Variants in GABBR2 observed in about 807,000 individuals in gnomAD.
The protein encoded by GABBR2 is gamma-aminobutyric acid type B receptor subunit 2, also known as G-protein coupled receptor 51.
Under a neutral mutation model 105.6 loss-of-function variants are expected in GABBR2, and 23 were observed. That is an observed-to-expected ratio of 0.22 (90% confidence interval 0.16 to 0.31). GABBR2 has a LOEUF of 0.31. GABBR2 is among the 10% of genes least tolerant of loss of function. The pLI is 1.00. For missense variants in GABBR2, 734 were observed against 1,245.5 expected (o/e 0.59, Z 6.18); for synonymous variants, 478 against 499.7 (o/e 0.96, Z 0.58).
rs550125436 is a variant in GABBR2, at chr9:98,667,323, G to C, written c.321+41094C>G. On this transcript the variant is annotated intron_variant, in intron 1 of 18. Coordinates refer to ENST00000259455, the MANE Select transcript of GABBR2 (RefSeq NM_005458.8). ...GGGGTGAACTTACTAAACAGAGAAA[G>C]TGAATGCCAGCAGCAGGAGCACTGG... 1.2e-4 allele frequency among the ~76,000 whole-genome samples: 19 copies of C among 152,260 alleles called. 1 individual carries two copies. The South Asian group carries it at 3.9e-3, about 32-fold the overall frequency.
chr9:98,399,306 T>G (rs1832348015), intron 8 of GABBR2, among the ~76,000 whole-genome samples: 1 of 149,050 alleles, frequency 6.7e-6, no homozygotes, highest in Admixed American at 6.8e-5. Context: ...GGGCTGAGAT[T>G]GTGCCACTGT....
At position 98,559,902 on chromosome 9, in the gene GABBR2, T is replaced by TA. The variant is rs571874564; in HGVS notation, c.460-17860dup. Among the ~76,000 whole-genome samples the TA allele has an allele frequency of 7.7e-4, 110 of 143,258 alleles. 1 individual carries two copies. The highest frequency in any genetic ancestry group is 1.1e-3 in the African/African-American group (41 of 38,844). 94.0% of individuals were successfully genotyped at this position (143,258 alleles called of 152,430 possible). A position where few individuals can be genotyped will look rare whatever the true frequency, so the allele number is the denominator to read the frequency against. On this transcript the variant is annotated intron_variant, in intron 2 of 18. Transcript: ENST00000259455. ...TACAGTGAAATCTGGGAAAATTAAG[T>TA]AAAAAAAAAAGCAAGGTGCAGAAGA...
chr9:98,315,072 C>T (rs1458732048), intron 13 of GABBR2, among the ~76,000 whole-genome samples: 1 of 152,214 alleles, frequency 6.6e-6, no homozygotes, highest in East Asian at 1.9e-4. Flanking sequence ...GACATTCCAG[C>T]CTGGCTACCT....
intron 1 of GABBR2, among the ~76,000 whole-genome samples, chr9:98,669,824 T>C (rs1402008763): frequency 6.6e-6 from 1 of 152,030 alleles, no homozygotes; most frequent in Admixed American, 6.6e-5. Flanking sequence ...CAATGGGGCA[T>C]GTACATGCAG....
chr9:98,508,573 C>T (rs952868430), intron 3 of GABBR2, among the ~76,000 whole-genome samples: 4 of 152,338 alleles, frequency 2.6e-5, no homozygotes, highest in South Asian at 4.1e-4. Context: ...CCTAATACTG[C>T]GCTTTTCCAA....
chr9:98,377,552 A>G (rs963008243), intron 11 of GABBR2, among the ~76,000 whole-genome samples: 1 of 152,126 alleles, frequency 6.6e-6, no homozygotes, highest in South Asian at 2.1e-4. Flanking sequence ...TAGGTTTTCA[A>G]TCTACACTGC....
At chr9:98,435,856 T>C (rs1289473405) in intron 7 of GABBR2, among the ~76,000 whole-genome samples, 1 of 152,142 alleles carries the variant, frequency 6.6e-6, no homozygotes, top group African/African-American at 2.4e-5. Context: ...TCCACAACAC[T>C]TTAGAGTTTG....
At chr9:98,668,002 A>G (rs889425351) in intron 1 of GABBR2, among the ~76,000 whole-genome samples, 1 of 152,226 alleles carries the variant, frequency 6.6e-6, no homozygotes, top group African/African-American at 2.4e-5. Flanking sequence ...CCGATGCAGG[A>G]AAACAAAGGC....
At chr9:98,463,379 GT>G (rs1374320629) in intron 6 of GABBR2, among the ~76,000 whole-genome samples, 1 of 152,212 alleles carries the variant, frequency 6.6e-6, no homozygotes. Flanking sequence ...ATGTATGTAT[GT>G]GTGTATAAAC....
intron 3 of GABBR2, among the ~76,000 whole-genome samples, chr9:98,535,799 A>G (rs1217944894): frequency 1.3e-5 from 2 of 152,344 alleles, no homozygotes; most frequent in South Asian, 2.1e-4. Context: ...ATTCCGTATG[A>G]TTCCAACTAA....
At chr9:98,296,439 T>A (rs564639525) in intron 17 of GABBR2, among the ~76,000 whole-genome samples, 1 of 152,322 alleles carries the variant, frequency 6.6e-6, no homozygotes, top group Admixed American at 6.5e-5. Context: ...GACTAAGGCA[T>A]GGAGAACAAA....
chr9:98,309,058 TG>T (rs1218054233), intron 14 of GABBR2, among the ~76,000 whole-genome samples: 1 of 152,196 alleles, frequency 6.6e-6, no homozygotes, highest in Non-Finnish European at 1.5e-5. Context: ...TGAGATTCTG[TG>T]GCTCTAAAAT....
chr9:98,505,798 G>T (rs1221699633), intron 3 of GABBR2, among the ~76,000 whole-genome samples: 1 of 152,190 alleles, frequency 6.6e-6, no homozygotes, highest in Non-Finnish European at 1.5e-5. Flanking sequence ...TGCAGGCAAG[G>T]ATTCTCTCCT....
chr9:98,677,961 C>T (rs1039358782), intron 1 of GABBR2, among the ~76,000 whole-genome samples: 13 of 152,168 alleles, frequency 8.5e-5, no homozygotes, highest in African/African-American at 2.9e-4. Context: ...GCCATCACCA[C>T]TTAACATGTT....
At chr9:98,481,140 C>T (rs939151950) in intron 4 of GABBR2, 143 bp from the exon 5 acceptor site, 18 of 655,730 alleles carry the variant, frequency 2.7e-5, no homozygotes, top group Admixed American at 1.6e-4. Flanking sequence ...CAGAACCTCA[C>T]CCCCAACCCC....
intron 1 of GABBR2, among the ~76,000 whole-genome samples, chr9:98,588,620 C>T (rs1197571984): frequency 6.6e-5 from 10 of 152,194 alleles, no homozygotes; most frequent in African/African-American, 2.2e-4. Context: ...CCAAGTTGCA[C>T]ACAGTGAGTG....
At chr9:98,522,013 A>T (rs761175418) in intron 3 of GABBR2, among the ~76,000 whole-genome samples, 1 of 152,228 alleles carries the variant, frequency 6.6e-6, no homozygotes, top group Non-Finnish European at 1.5e-5. Flanking sequence ...AAATCTAAAA[A>T]ATAAAATATA....
rs568023851 is a variant in GABBR2 at position 98,321,138 on chromosome 9, C to T, written c.1894-9933G>A. ...GCAGGCTCAGGACCTTCCCAGGACT[C>T]GGCCCTGGGGGGTCTGAGGCAATAT... On this transcript the variant is annotated intron_variant, in intron 13 of 18. Coordinates refer to ENST00000259455, the MANE Select transcript of GABBR2 (RefSeq NM_005458.8). Among the ~76,000 whole-genome samples the T allele has an allele frequency of 2.1e-4, 32 of 152,180 alleles. No homozygotes were observed. The East Asian group carries it at 4.8e-3, about 23-fold the overall frequency.
chr9:98,698,443 G>C (rs1022578419), intron 1 of GABBR2, among the ~76,000 whole-genome samples: 1 of 151,772 alleles, frequency 6.6e-6, no homozygotes, highest in Non-Finnish European at 1.5e-5. Flanking sequence ...ACACAGGCAA[G>C]AATTTTCAGA....
Sources: gnomAD v4.1 joint callset for allele counts (sites outside exome capture counted in the v4.1 genomes callset) on GRCh38, gnomAD v4.1.1 for gene constraint, MANE v1.5 for transcripts, NCBI Gene and HGNC (gene_info 2026-07-23, HGNC 2026-07-21) for gene names.